The following GUCY2D variants were observed in gnomAD, a reference collection of about 807,000 sequenced individuals.
GUCY2D encodes guanylate cyclase 2D, retinal.
GUCY2D carries 70 observed loss-of-function variants against 101.3 expected under a neutral mutation model. That is an observed-to-expected ratio of 0.69 (90% confidence interval 0.57 to 0.84). GUCY2D has a LOEUF of 0.84. Ranked by LOEUF, GUCY2D falls within the 40% of genes least tolerant of loss-of-function variation. GUCY2D has a pLI of 0.00. For synonymous variants in GUCY2D, 688 were observed against 670.7 expected (o/e 1.03, Z -0.40); for missense variants, 1,460 against 1,542.5 (o/e 0.95, Z 0.90).
chr17:8,010,403 CCTT>C (rs1338327493), intron 8 of GUCY2D, among the ~76,000 whole-genome samples: 1 of 152,094 alleles, frequency 6.6e-6, no homozygotes, highest in Admixed American at 6.5e-5. Context: ...CTGGGCCTGG[CCTT>C]CTTCCCTGAT....
chr17:8,016,556 T>G lies in GUCY2D; in HGVS notation c.*24+2T>G, dbSNP rs1173124615. The G allele has an allele frequency of 7.6e-6, 11 of 1,444,322 alleles. No homozygotes were observed. The East Asian group carries it at 2.7e-4, about 35-fold the overall frequency. The allele number at this position is 1,444,322 out of a possible 1,614,324, so 89.5% of individuals were successfully genotyped here. ...GAAGTGAGGCCCGGCCCCGGACAGG[T>G]ACTGCCCCCTCAGCCCCAACCCCAG... On this transcript the variant is annotated splice_donor_variant, in intron 19 of 19. Transcript: ENST00000254854. LOFTEE classifies it low-confidence loss of function (3UTR_SPLICE).
In GUCY2D at chr17:8,015,834, C is replaced by G. The variant is rs376759049; in HGVS notation, c.3036C>G (p.Thr1012=). ...ACACCGCCTCGCGCATGGAGTCCAC[C>G]GGGCTGCGTGAGTGTGACGGGGACA... is the stretch of plus-strand genomic sequence containing the variant. ...TVNTASRMES[T]GLPYRIHVNL... Residue 1012 remains threonine, a synonymous_variant, in exon 16 of 20, where the codon ACC becomes ACG. Coordinates refer to ENST00000254854, the MANE Select transcript of GUCY2D (RefSeq NM_000180.4). The G allele has an allele frequency of 1.9e-6, 3 of 1,611,380 alleles. No homozygotes were observed. In the South Asian group the frequency reaches 3.3e-5, roughly 18 times the overall value.
rs756042293 is a variant in GUCY2D, at chr17:8,014,475, A to T, written c.2413-126A>T. On this transcript the variant is annotated intron_variant, in intron 12 of 19. Transcript: ENST00000254854. The surrounding 1 kb of genome is among the most constrained non-coding windows in gnomAD (Gnocchi z 4.0). ...CCCCGGGGTGCTTGATGAATAGTAG[A>T]TGAATGGTGGCAGCGGGGTTGGGGT... 3.4e-6 allele frequency: 3 copies of T among 880,450 alleles called. No homozygotes were observed. Among genetic ancestry groups the T allele is most frequent in the Non-Finnish European group, 5.7e-6 (3 of 524,674 alleles). The allele number at this position is 880,450 out of a possible 1,614,324, so 54.5% of individuals were successfully genotyped here.
rs189984380 is a variant in GUCY2D at position 8,005,221 on chromosome 17, G to T, written c.1026+1065G>T. On this transcript the variant is annotated intron_variant, in intron 3 of 19. Coordinates refer to ENST00000254854, the MANE Select transcript of GUCY2D (RefSeq NM_000180.4). ...CGCTTTCTCCATCTTTACTGTCACT[G>T]CCCTGATTCAGGCCACAGCACCCCC... is the stretch of plus-strand genomic sequence containing the variant. Among the ~76,000 whole-genome samples, 506 of 152,192 alleles carry T rather than the reference G, an allele frequency of 3.3e-3. 6 individuals are homozygous for T. Among genetic ancestry groups the T allele is most frequent in the African/African-American group, 0.012 (485 of 41,522 alleles).
chr17:8,014,514 C>T lies in GUCY2D; in HGVS notation c.2413-87C>T, dbSNP rs1975921534. 1.6e-6 allele frequency: 2 copies of T among 1,249,808 alleles called. No homozygotes were observed. The highest frequency in any genetic ancestry group is 1.2e-6 in the Non-Finnish European group (1 of 852,674). The allele number at this position is 1,249,808 out of a possible 1,614,324, so 77.4% of individuals were successfully genotyped here. ...CGGGGTTGGGGTTCAGAGTGAACAG[C>T]CCCATGAGAGGGCCCATGAGGGGGG... is the stretch of plus-strand genomic sequence containing the variant. On this transcript the variant is annotated intron_variant, in intron 12 of 19. Transcript: ENST00000254854. This position sits in a 1 kb window ranked among gnomAD's most constrained non-coding sequence, Gnocchi z 4.0.
chr17:8,009,246 G>A (rs1236006377), intron 7 of GUCY2D, among the ~76,000 whole-genome samples: 3 of 152,204 alleles, frequency 2.0e-5, no homozygotes, highest in Non-Finnish European at 4.4e-5. Flanking sequence ...GCACTTAATA[G>A]GACTATTGGT....
At position 8,007,484 on chromosome 17, in the gene GUCY2D, G is replaced by A; in HGVS notation, c.1522G>A (p.Asp508Asn). 1 of 1,613,540 alleles carries A rather than the reference G, an allele frequency of 6.2e-7. No individual in the cohort carries two copies. Residue 508 changes from aspartate to asparagine, a missense_variant, in exon 6 of 20, where the codon GAC (aspartate) becomes AAC (asparagine). Around this residue, in one of 3 missense-constraint regions of GUCY2D, gnomAD observed 1,196 missense variants for 1,229.6 expected, o/e 0.97. Transcript: ENST00000254854. ...CCCCAACAAGATCATCCTGACCGTG[G>A]ACGACATCACCTTTCTCCACCCACA... ...SGPNKIILTVDDITFLHPHGG... is the reference protein window; with the variant it reads ...SGPNKIILTVNDITFLHPHGG...
chr17:8,012,379 T>A, intron 9 of GUCY2D, 29 bp downstream of exon 9: 1 of 1,547,136 alleles, frequency 6.5e-7, no homozygotes, highest in Non-Finnish European at 8.9e-7. Context: ...TGGGGTGACG[T>A]CCTGGGGGCA....
At position 8,003,336 on chromosome 17, in the gene GUCY2D, G is replaced by A. The variant is rs61749667; in HGVS notation, c.289G>A (p.Glu97Lys). The change falls in exon 2 of 20, where the codon GAG becomes AAG. Residue 97 changes from glutamate (E) to lysine (K), a missense_variant. Physicochemically the swap from Glu to Lys is moderately conservative, Grantham distance 56. Around this residue, in one of 3 missense-constraint regions of GUCY2D, gnomAD observed 1,196 missense variants for 1,229.6 expected, o/e 0.97. Coordinates refer to ENST00000254854, the MANE Select transcript of GUCY2D (RefSeq NM_000180.4). ...CGGCCTGGCAGGCGGTCCCCGCTTC[G>A]AGGTAGCGCTGCTGCCCGAGCCTTG... is the stretch of plus-strand genomic sequence containing the variant. ...DPGLAGGPRF[E>K]VALLPEPCRT... 15 of 1,479,548 alleles carry A rather than the reference G, an allele frequency of 1.0e-5. No homozygotes were observed. Among genetic ancestry groups the A allele is most frequent in the Middle Eastern group, 2.3e-4 (1 of 4,406 alleles). The allele number at this position is 1,479,548 out of a possible 1,614,324, so 91.7% of individuals were successfully genotyped here. A position where few individuals can be genotyped will look rare whatever the true frequency, so the allele number is the denominator to read the frequency against.
chr17:8,016,320 G>C (rs1427051961), intron 18 of GUCY2D, 30 bp downstream of exon 18: 1 of 1,495,568 alleles, frequency 6.7e-7, no homozygotes, highest in Non-Finnish European at 9.1e-7. Flanking sequence ...GGCAGGGCGA[G>C]GGACGAGGGA....
intron 8 of GUCY2D, among the ~76,000 whole-genome samples, chr17:8,010,286 T>C (rs1409107428): frequency 6.6e-6 from 1 of 152,204 alleles, no homozygotes; most frequent in Non-Finnish European, 1.5e-5. Context: ...TTGTGCAGAA[T>C]AGCCCTGGAC....
At chr17:8,008,896 T>C (rs1375992270) in intron 7 of GUCY2D, among the ~76,000 whole-genome samples, 1 of 152,164 alleles carries the variant, frequency 6.6e-6, no homozygotes, top group East Asian at 1.9e-4. Context: ...CCAAATCCCT[T>C]ATAAACAAGA....
At position 8,003,750 on chromosome 17, in the gene GUCY2D, G is replaced by T. The variant is rs1248462569; in HGVS notation, c.703G>T (p.Asp235Tyr). The change falls in exon 2 of 20, where the codon GAC becomes TAC. Residue 235 changes from aspartate (D) to tyrosine (Y), a missense_variant. Coordinates refer to ENST00000254854, the MANE Select transcript of GUCY2D (RefSeq NM_000180.4). ...GAREALRKVRDGPRVTAVIMV... is the reference protein window; with the variant it reads ...GAREALRKVRYGPRVTAVIMV... ...CCGGGAGGCCCTGAGGAAGGTTCGG[G>T]ACGGGCCCAGGGTCACAGGTAGGCT... The T allele has an allele frequency of 6.3e-7, 1 of 1,599,072 alleles. No homozygotes were observed.
At chr17:8,006,291 C>A in intron 3 of GUCY2D, 72 bp from the exon 4 acceptor site, 1 of 1,171,708 alleles carries the variant, frequency 8.5e-7, no homozygotes, top group Non-Finnish European at 1.3e-6. Flanking sequence ...CTGGGCTTGA[C>A]AGGCAGTGAA....
chr17:8,017,132 C>A (rs529180514), intron 19 of GUCY2D, among the ~76,000 whole-genome samples: 1 of 152,302 alleles, frequency 6.6e-6, no homozygotes, highest in African/African-American at 2.4e-5. Context: ...GGATTTTGGG[C>A]CTTTTACAAG....
chr17:8,016,528 TGAG>T lies in GUCY2D; in HGVS notation c.3311_*1del. The stretch of plus-strand genomic sequence containing the variant: ...GAAGGCGCGGCCGGGCCAGTTCTCT[TGAG>T]AAGTGAGGCCCGGCCCCGGACAGGT... On this transcript the variant is annotated stop_retained_variant and 3_prime_UTR_variant, in exon 19 of 20. Transcript: ENST00000254854. The T allele has an allele frequency of 6.4e-7, 1 of 1,555,864 alleles. No individual in the cohort carries two copies. The highest frequency in any genetic ancestry group is 8.7e-7 in the Non-Finnish European group (1 of 1,149,380).
Position 8,013,067 on chromosome 17 carries a change from T to C in GUCY2D, c.2114-36T>C. On this transcript the variant is annotated intron_variant, in intron 10 of 19. Coordinates refer to ENST00000254854, the MANE Select transcript of GUCY2D (RefSeq NM_000180.4). The surrounding 1 kb of genome is among the most constrained non-coding windows in gnomAD (Gnocchi z 5.0). The stretch of plus-strand genomic sequence containing the variant: ...GCTTTCTGGTGAGGGTGGGAGTCTT[T>C]CCCCAGCGGCGCCTCAGCCCCTTCC... The C allele has an allele frequency of 1.2e-6, 2 of 1,600,422 alleles. No individual in the cohort carries two copies. Among genetic ancestry groups the C allele is most frequent in the Non-Finnish European group, 1.7e-6 (2 of 1,173,822 alleles).
rs1976031991 is a variant in GUCY2D, at chr17:8,019,362, T to A, written c.*25-766T>A. ...GCAGAGGGATTAGCTGGGACAGGCTTAGGCAGGGCTCCTCCCGGAAGCAGA... is the reference window on the plus strand; with the variant it reads ...GCAGAGGGATTAGCTGGGACAGGCTAAGGCAGGGCTCCTCCCGGAAGCAGA... On this transcript the variant is annotated intron_variant, in intron 19 of 19. Coordinates refer to ENST00000254854, the MANE Select transcript of GUCY2D (RefSeq NM_000180.4). 2.0e-5 allele frequency among the ~76,000 whole-genome samples: 3 copies of A among 152,200 alleles called. No homozygotes were observed. In the South Asian group the frequency reaches 6.2e-4, roughly 32 times the overall value.
chr17:8,008,026 C>T lies in GUCY2D; in HGVS notation c.1662C>T (p.Val554=). 1 of 1,602,868 alleles carries T rather than the reference C, an allele frequency of 6.2e-7. No homozygotes were observed. Among genetic ancestry groups the T allele is most frequent in the Non-Finnish European group, 8.5e-7 (1 of 1,170,016 alleles). The part of the protein sequence containing the change: ...SQHLDSPNIG[V]YEGDRVWLKK... ...ACTTGGACAGCCCCAACATTGGTGTCTATGAGGTGAGCCTGACCCCAGCCA... is the reference window on the plus strand; with the variant it reads ...ACTTGGACAGCCCCAACATTGGTGTTTATGAGGTGAGCCTGACCCCAGCCA... The change falls in exon 7 of 20, where the codon GTC becomes GTT. Residue 554 remains valine (V), a synonymous_variant. Coordinates refer to ENST00000254854, the MANE Select transcript of GUCY2D (RefSeq NM_000180.4).
Sources: allele counts gnomAD v4.1 joint callset (sites outside exome capture counted in the v4.1 genomes callset), GRCh38; gene constraint gnomAD v4.1.1; regional missense constraint gnomAD v4.1.1; non-coding constraint Gnocchi (gnomAD v3.1); transcripts MANE v1.5; gene names NCBI Gene and HGNC (gene_info 2026-07-23, HGNC 2026-07-21).